The following RAPGEF4 variants were observed in gnomAD, a reference collection of about 807,000 sequenced individuals.
The protein encoded by RAPGEF4 is Rap guanine nucleotide exchange factor 4, also known as RAP guanine-nucleotide-exchange factor (GEF) 4.
RAPGEF4 carries 66 observed loss-of-function variants against 147.9 expected under a neutral mutation model. The observed-to-expected ratio is 0.45, with a 90% CI of 0.37 to 0.55. The LOEUF is 0.55. RAPGEF4 is among the 20% of genes least tolerant of loss of function. The pLI is 0.00. For missense variants in RAPGEF4, 1,071 were observed against 1,257.3 expected, an observed-to-expected ratio of 0.85 and a Z score of 2.24; for synonymous variants, 419 against 442.7, an observed-to-expected ratio of 0.95 and a Z score of 0.67.
At chr2:172,983,092 A>G (rs1298656559) in intron 10 of RAPGEF4, among the ~76,000 whole-genome samples, 3 of 152,228 alleles carry the variant, frequency 2.0e-5, no homozygotes, top group Non-Finnish European at 4.4e-5. Context: ...AGGAATTTAG[A>G]TCAGTTGTCA....
intron 6 of RAPGEF4, among the ~76,000 whole-genome samples, chr2:172,941,970 C>T (rs1217854501): frequency 6.6e-6 from 1 of 151,996 alleles, no homozygotes; most frequent in African/African-American, 2.4e-5. Flanking sequence ...CCCTCATTTA[C>T]ATCTCTGGTC....
intron 4 of RAPGEF4, among the ~76,000 whole-genome samples, chr2:172,861,407 G>A (rs1291630392): frequency 6.6e-6 from 1 of 152,214 alleles, no homozygotes; most frequent in East Asian, 1.9e-4. Flanking sequence ...ATCCTATAGT[G>A]TGGTTAGAGG....
Position 173,042,976 on chromosome 2 carries a change from A to T in RAPGEF4, c.2854-5624A>T, listed in dbSNP as rs1448758147. On this transcript the variant is annotated intron_variant, in intron 29 of 30. Coordinates refer to ENST00000397081, the MANE Select transcript of RAPGEF4 (RefSeq NM_007023.4). This position sits in a 1 kb window ranked among gnomAD's most constrained non-coding sequence, Gnocchi z 4.2. ...AGACCGGACTCAGGGCTCCTCCTCA[A>T]TGATGCACACAGTGAAGGCTAGTTC... is the stretch of plus-strand genomic sequence containing the variant. Among the ~76,000 whole-genome samples, 1 of 152,216 alleles carries T rather than the reference A, an allele frequency of 6.6e-6. No homozygotes were observed. Among genetic ancestry groups the T allele is most frequent in the Non-Finnish European group, 1.5e-5 (1 of 68,032 alleles).
chr2:173,035,089 C>T (rs554647611), intron 27 of RAPGEF4, among the ~76,000 whole-genome samples: 10 of 151,980 alleles, frequency 6.6e-5, no homozygotes, highest in Admixed American at 2.0e-4. Context: ...GGGTCTCACT[C>T]TGTCACCAAG....
intron 8 of RAPGEF4, among the ~76,000 whole-genome samples, chr2:172,963,752 C>G (rs1207156947): frequency 6.6e-6 from 1 of 152,188 alleles, no homozygotes; most frequent in Admixed American, 6.5e-5. Context: ...CAGTTCCATC[C>G]TCTCTCTCCC....
chr2:173,023,384 C>T (rs947317911), intron 23 of RAPGEF4, among the ~76,000 whole-genome samples: 1 of 152,202 alleles, frequency 6.6e-6, no homozygotes, highest in Admixed American at 6.5e-5. Flanking sequence ...ATGCAGGCTC[C>T]ACATAAGCTC....
intron 1 of RAPGEF4, among the ~76,000 whole-genome samples, chr2:172,739,810 G>A (rs1205980999): frequency 1.3e-5 from 2 of 152,220 alleles, no homozygotes; most frequent in Non-Finnish European, 2.9e-5. Context: ...ACACATTCAT[G>A]TAGTATAGCG....
intron 6 of RAPGEF4, among the ~76,000 whole-genome samples, chr2:172,932,208 A>T (rs1383491638): frequency 1.3e-5 from 2 of 152,194 alleles, no homozygotes; most frequent in Non-Finnish European, 2.9e-5. Flanking sequence ...CGTTTGTAAG[A>T]TTCCTAGTAC....
chr2:172,747,738 C>T (rs896341443), intron 1 of RAPGEF4, among the ~76,000 whole-genome samples: 1 of 152,204 alleles, frequency 6.6e-6, no homozygotes. Context: ...GCTGGGATTA[C>T]AGGCAGGAGC....
chr2:172,907,318 C>A (rs538249943), intron 4 of RAPGEF4, among the ~76,000 whole-genome samples: 1 of 152,338 alleles, frequency 6.6e-6, no homozygotes, highest in South Asian at 2.1e-4. Context: ...TGTCCCTTCC[C>A]ATCCCTTCTT....
intron 1 of RAPGEF4, among the ~76,000 whole-genome samples, chr2:172,748,628 G>C (rs1694989316): frequency 6.6e-6 from 1 of 152,122 alleles, no homozygotes; most frequent in Admixed American, 6.5e-5. Context: ...TGGGGACACA[G>C]CCAAACCATA....
chr2:172,735,416 A>G (rs1693663669), upstream of RAPGEF4: 1 of 152,304 alleles, frequency 6.6e-6, no homozygotes, highest in South Asian at 2.1e-4. Context: ...GTGAGCAAGC[A>G]ACCGCCGGCA....
At chr2:172,980,628 A>G (rs1362605920) in intron 10 of RAPGEF4, among the ~76,000 whole-genome samples, 2 of 152,180 alleles carry the variant, frequency 1.3e-5, no homozygotes, top group East Asian at 1.9e-4. Flanking sequence ...GAATTCTGCC[A>G]TCTTTACCTC....
At chr2:172,969,778 A>T (rs1282354492) in intron 10 of RAPGEF4, among the ~76,000 whole-genome samples, 2 of 152,160 alleles carry the variant, frequency 1.3e-5, no homozygotes, top group Non-Finnish European at 2.9e-5. Flanking sequence ...TTCTCAAGAG[A>T]CATGAGAGCT....
Position 172,996,186 on chromosome 2 carries a change from G to A in RAPGEF4, c.1491-280G>A, listed in dbSNP as rs77590320. On this transcript the variant is annotated intron_variant, in intron 15 of 30. Transcript: ENST00000397081. Reference sequence around the variant, plus strand: ...TTGGAAAAAAGACTGAAGTTTCTCAGTTCCCAGCCTGCTAAAGCTGCTCTT... The same window carrying A: ...TTGGAAAAAAGACTGAAGTTTCTCAATTCCCAGCCTGCTAAAGCTGCTCTT... Among the ~76,000 whole-genome samples the A allele has an allele frequency of 9.9e-4, 150 of 152,230 alleles. 4 individuals carry two copies. The East Asian group carries it at 0.025, about 26-fold the overall frequency.
rs2166589 is a variant in RAPGEF4, at chr2:172,988,223, C to T, written c.1178C>T (p.Ser393Phe). Residue 393 changes from serine to phenylalanine, a missense_variant, in exon 13 of 31, where the codon TCC becomes TTC. Transcript: ENST00000397081. ...TTTAACCAGGGGGAAGAAGGTACCT[C>T]CTGGTACATTATTCTAAAAGGATCA... ...VLFNQGEEGT[S>F]WYIILKGSVN... 6.2e-7 allele frequency: 1 copy of T among 1,611,010 alleles called. No individual in the cohort carries two copies. The highest frequency in any genetic ancestry group is 1.3e-5 in the African/African-American group (1 of 74,736).
intron 3 of RAPGEF4, 45 bp from the exon 4 acceptor site, chr2:172,814,234 A>G: frequency 6.3e-7 from 1 of 1,595,916 alleles, no homozygotes; most frequent in Non-Finnish European, 8.6e-7. Context: ...ACACCTACCC[A>G]TTAGATGTTT....
At chr2:172,938,064 A>G (rs1432266476) in intron 6 of RAPGEF4, among the ~76,000 whole-genome samples, 1 of 152,062 alleles carries the variant, frequency 6.6e-6, no homozygotes, top group Non-Finnish European at 1.5e-5. Context: ...TTTGCCAAGG[A>G]TTCTTGGTTC....
At chr2:172,879,627 C>G (rs904916768) in intron 4 of RAPGEF4, among the ~76,000 whole-genome samples, 1 of 151,974 alleles carries the variant, frequency 6.6e-6, no homozygotes, top group African/African-American at 2.4e-5. Flanking sequence ...ATGGCAAGAC[C>G]CCGTCTCTAC....
Sources: allele counts gnomAD v4.1 joint callset (sites outside exome capture counted in the v4.1 genomes callset), GRCh38; gene constraint gnomAD v4.1.1; non-coding constraint Gnocchi (gnomAD v3.1); transcripts MANE v1.5; gene names NCBI Gene and HGNC (gene_info 2026-07-23, HGNC 2026-07-21).